Variants in STXBP4 observed in about 807,000 individuals in gnomAD.
STXBP4 encodes syntaxin binding protein 4.
STXBP4 carries 55 observed loss-of-function variants against 76.1 expected under a neutral mutation model. The observed-to-expected ratio is 0.72, with a 90% CI of 0.58 to 0.91. The LOEUF (loss-of-function observed/expected upper bound fraction) is 0.91. Among genes scored for constraint, STXBP4 ranks in the 40% least tolerant of loss-of-function variants. The pLI, the probability that STXBP4 is intolerant of heterozygous loss-of-function variation, is 0.00. For synonymous variants in STXBP4, 201 were observed against 220.2 expected, an observed-to-expected ratio of 0.91 and a Z score of 0.77; for missense variants, 618 against 636.9, an observed-to-expected ratio of 0.97 and a Z score of 0.32.
intron 16 of STXBP4, among the ~76,000 whole-genome samples, chr17:55,109,641 T>G (rs2079686871): frequency 6.7e-6 from 1 of 150,308 alleles, no homozygotes; most frequent in South Asian, 2.1e-4. Flanking sequence ...TTTTTTTTTT[T>G]TTTTTTATAT....
At position 55,159,949 on chromosome 17, in the gene STXBP4, G is replaced by A; in HGVS notation, c.*38G>A. The A allele has an allele frequency of 7.8e-7, 1 of 1,285,476 alleles. No individual in the cohort carries two copies. The allele number at this position is 1,285,476 out of a possible 1,614,324, so 79.6% of individuals were successfully genotyped here. ...GGAAGTGGAGCTACATGGATGATGT[G>A]AGCAGAGACGCATAACATCCAATTC... On this transcript the variant is annotated 3_prime_UTR_variant, in exon 18 of 18. Transcript: ENST00000376352.
At chr17:55,080,580 C>T (rs566646881) in intron 15 of STXBP4, among the ~76,000 whole-genome samples, 224 of 151,096 alleles carry the variant, frequency 1.5e-3, no homozygotes, top group African/African-American at 4.9e-3. Context: ...GTTTTTGATT[C>T]GAGGCAAAAA....
the STXBP4 span, among the ~76,000 whole-genome samples, chr17:55,211,121 T>TG: frequency 6.6e-6 from 1 of 152,158 alleles, no homozygotes; most frequent in Non-Finnish European, 1.5e-5. Flanking sequence ...TGTCACTGTA[T>TG]GGCTCCCACT....
intron 10 of STXBP4, among the ~76,000 whole-genome samples, chr17:55,040,999 G>A (rs896876311): frequency 2.0e-5 from 3 of 152,116 alleles, no homozygotes; most frequent in African/African-American, 7.2e-5. Flanking sequence ...CAATTCTCTG[G>A]CTGCAAGTTT....
At chr17:55,191,932 C>T in the STXBP4 span, among the ~76,000 whole-genome samples, 1 of 152,138 alleles carries the variant, frequency 6.6e-6, no homozygotes, top group Admixed American at 6.5e-5. Flanking sequence ...CAACATCTTT[C>T]TTATGCTTGA....
At chr17:55,047,064 T>C (rs1421283939) in intron 11 of STXBP4, 25 bp from the exon 12 acceptor site, 5 of 1,451,128 alleles carry the variant, frequency 3.4e-6, no homozygotes, top group Non-Finnish European at 4.8e-6. Flanking sequence ...TAACAAGTTG[T>C]TAATTTGGTG....
In STXBP4 at chr17:55,032,024, A is replaced by G. The variant is rs139615431; in HGVS notation, c.763+760A>G. ...TTACAAATCTGTATTTATCAACATTATGAATGTAGCTGTTTTTCTTTCTTA... is the reference window on the plus strand; with the variant it reads ...TTACAAATCTGTATTTATCAACATTGTGAATGTAGCTGTTTTTCTTTCTTA... On this transcript the variant is annotated intron_variant, in intron 9 of 17. Transcript: ENST00000376352. 1.3e-4 allele frequency among the ~76,000 whole-genome samples: 20 copies of G among 152,318 alleles called. No individual in the cohort carries two copies. The East Asian group carries it at 2.5e-3, about 19-fold the overall frequency.
intron 16 of STXBP4, among the ~76,000 whole-genome samples, chr17:55,139,246 G>T (rs2080068728): frequency 6.6e-6 from 1 of 152,106 alleles, no homozygotes; most frequent in Non-Finnish European, 1.5e-5. Flanking sequence ...CAATGTTAGT[G>T]TCAATTTTCA....
intron 12 of STXBP4, among the ~76,000 whole-genome samples, chr17:55,067,415 A>G (rs1019986074): frequency 1.3e-5 from 2 of 152,198 alleles, no homozygotes; most frequent in Non-Finnish European, 2.9e-5. Flanking sequence ...TGATGGAAAA[A>G]GGTGAAAAAT....
At chr17:55,104,611 G>A (rs549124411) in intron 16 of STXBP4, among the ~76,000 whole-genome samples, 26 of 152,232 alleles carry the variant, frequency 1.7e-4, no homozygotes, top group African/African-American at 6.0e-4. Flanking sequence ...GTCTTTGCCA[G>A]GTTTTGGTAT....
At chr17:55,102,450 A>G (rs1354977482) in intron 16 of STXBP4, among the ~76,000 whole-genome samples, 1 of 152,166 alleles carries the variant, frequency 6.6e-6, no homozygotes, top group Non-Finnish European at 1.5e-5. Flanking sequence ...AGCAAAGGGC[A>G]TGAACTCATC....
intron 1 of STXBP4, among the ~76,000 whole-genome samples, chr17:54,970,025 G>T (rs1454169598): frequency 6.6e-6 from 1 of 152,204 alleles, no homozygotes. Flanking sequence ...AGATCTGAAC[G>T]ATGATAAGGA....
At chr17:54,999,918 C>A in intron 6 of STXBP4, 76 bp downstream of exon 6, 1 of 950,144 alleles carries the variant, frequency 1.1e-6, no homozygotes, top group Non-Finnish European at 1.6e-6. Flanking sequence ...TGGTTATGTA[C>A]ATATAGAATT....
chr17:54,993,802 G>A lies in STXBP4; in HGVS notation c.180+2845G>A, dbSNP rs79252914. Among the ~76,000 whole-genome samples, 703 of 152,168 alleles carry A rather than the reference G, an allele frequency of 4.6e-3. 14 individuals carry two copies. The highest frequency in any genetic ancestry group is 0.025 in the East Asian group (131 of 5,172). On this transcript the variant is annotated intron_variant, in intron 4 of 17. Transcript: ENST00000376352. ...GAATGCTTTAACTTTCTGTAATTTT[G>A]TTTTAACATTATAATGTTTCATAAT...
At chr17:55,126,898 G>T (rs1422270969) in intron 16 of STXBP4, among the ~76,000 whole-genome samples, 2 of 152,180 alleles carry the variant, frequency 1.3e-5, no homozygotes, top group Non-Finnish European at 2.9e-5. Context: ...AAGATGAAAG[G>T]AAGATTGCAG....
chr17:55,128,804 G>A (rs2079940913), intron 16 of STXBP4, among the ~76,000 whole-genome samples: 2 of 151,956 alleles, frequency 1.3e-5, no homozygotes, highest in East Asian at 1.9e-4. Flanking sequence ...TTGTAGAGAC[G>A]GGGTTGCACC....
chr17:55,136,057 G>C (rs1033329707), intron 16 of STXBP4, among the ~76,000 whole-genome samples: 4 of 152,078 alleles, frequency 2.6e-5, no homozygotes, highest in African/African-American at 9.7e-5. Context: ...TTTCGTCTCT[G>C]CAAAATGAGG....
At chr17:55,041,228 C>CT (rs373020633) in intron 10 of STXBP4, among the ~76,000 whole-genome samples, 6,234 of 122,178 alleles carry the variant, frequency 0.051, 380 homozygotes, top group East Asian at 0.21. Context: ...TTTATTTAAA[C>CT]TTTTTTTTTT....
At chr17:55,195,907 A>G in the STXBP4 span, among the ~76,000 whole-genome samples, 1 of 152,160 alleles carries the variant, frequency 6.6e-6, no homozygotes, top group Non-Finnish European at 1.5e-5. Context: ...AAGCCCACAG[A>G]TGCTGCTGAA....
Sources: gnomAD v4.1 joint callset for allele counts (sites outside exome capture counted in the v4.1 genomes callset) on GRCh38, gnomAD v4.1.1 for gene constraint, MANE v1.5 for transcripts, NCBI Gene and HGNC (gene_info 2026-07-23, HGNC 2026-07-21) for gene names.